SNX13: variants seen among roughly 807,000 people sequenced by gnomAD.
The protein encoded by SNX13 is sorting nexin-13.
Under a neutral mutation model 133.6 loss-of-function variants are expected in SNX13, and 45 were observed. The observed-to-expected ratio is 0.34, with a 90% CI of 0.27 to 0.43. The LOEUF is 0.43. Among genes scored for constraint, SNX13 ranks in the 20% least tolerant of loss-of-function variants. The probability of loss-of-function intolerance (pLI) is 1.00; values close to 1 mark genes in which losing one functional copy is unlikely to be tolerated. For synonymous variants in SNX13, 414 were observed against 373.9 expected (o/e 1.11, Z -1.24); for missense variants, 1,032 against 1,145.1 (o/e 0.90, Z 1.43).
In SNX13 at chr7:17,799,080, C is replaced by A; in HGVS notation, c.2373G>T (p.Gln791His). ...DEVFDLKERN[Q>H]WLRRNIKNLL... Reference sequence around the variant, plus strand: ...GGTTTTTGATATTCCTTCGCAACCACTGATTTCTTTCTTTTAAGTCGAATA... The same window carrying A: ...GGTTTTTGATATTCCTTCGCAACCAATGATTTCTTTCTTTTAAGTCGAATA... Residue 791 changes from glutamine to histidine, a missense_variant, in exon 23 of 26, where the codon CAG becomes CAT. Transcript: ENST00000428135. 1 of 1,610,990 alleles carries A rather than the reference C, an allele frequency of 6.2e-7. No homozygotes were observed.
intron 1 of SNX13, among the ~76,000 whole-genome samples, chr7:17,923,956 T>C (rs934036841): frequency 6.6e-6 from 1 of 152,210 alleles, no homozygotes; most frequent in Non-Finnish European, 1.5e-5. Context: ...TCATCAAAAA[T>C]ACATTTATTC....
At chr7:17,899,495 C>T (rs779383810) in intron 1 of SNX13, 6 of 151,848 alleles carry the variant, frequency 4.0e-5, no homozygotes, top group Admixed American at 6.6e-5. Context: ...GTGCCTCATT[C>T]CTTTTTATTC....
chr7:17,791,852 A>G lies in SNX13; in HGVS notation c.*2193T>C, dbSNP rs1031342823. ...TTTCTGATGTAAAAGACAGATGTGC[A>G]TAGAGAAGGTGCACCACCATTTACA... On this transcript the variant is annotated 3_prime_UTR_variant, in exon 26 of 26. Coordinates refer to ENST00000428135, the MANE Select transcript of SNX13 (RefSeq NM_015132.5). The G allele has an allele frequency of 6.6e-6, 1 of 152,088 alleles. No individual in the cohort carries two copies. Among genetic ancestry groups the G allele is most frequent in the African/African-American group, 2.4e-5 (1 of 41,452 alleles). The allele number at this position is 152,088 out of a possible 1,614,324, so 9.4% of individuals were successfully genotyped here. A position where few individuals can be genotyped will look rare whatever the true frequency, so the allele number is the denominator to read the frequency against.
intron 1 of SNX13, among the ~76,000 whole-genome samples, chr7:17,931,607 G>T (rs1801397586): frequency 1.3e-5 from 2 of 152,130 alleles, no homozygotes; most frequent in Non-Finnish European, 2.9e-5. Flanking sequence ...AGGTTTAAAT[G>T]GAATAAGAAC....
At chr7:17,866,945 C>T (rs927075455) in intron 9 of SNX13, among the ~76,000 whole-genome samples, 13 of 152,136 alleles carry the variant, frequency 8.5e-5, no homozygotes, top group African/African-American at 2.4e-5. Context: ...ACATTGTATG[C>T]TTATATCGAA....
rs965886289 is a variant in SNX13, at chr7:17,799,247, C to G, written c.2299-93G>C. 15 of 1,070,166 alleles carry G rather than the reference C, an allele frequency of 1.4e-5. No homozygotes were observed. The African/African-American group carries it at 2.1e-4, about 15-fold the overall frequency. The allele number at this position is 1,070,166 out of a possible 1,614,324, so 66.3% of individuals were successfully genotyped here. On this transcript the variant is annotated intron_variant, in intron 22 of 25. Transcript: ENST00000428135. ...CTTTTACGAAATGATTGATATTTCA[C>G]AAGTCAGAGAACAAGTTACATTTTA...
intron 11 of SNX13, among the ~76,000 whole-genome samples, chr7:17,849,700 A>G (rs933090055): frequency 2.0e-5 from 3 of 152,130 alleles, no homozygotes; most frequent in African/African-American, 4.8e-5. Context: ...ACCTCCTCCA[A>G]TTCACCAAGG....
chr7:17,938,239 C>A (rs1348211394), intron 1 of SNX13, among the ~76,000 whole-genome samples: 1 of 152,098 alleles, frequency 6.6e-6, no homozygotes, highest in Non-Finnish European at 1.5e-5. Flanking sequence ...AATATTCAGA[C>A]AAGGAAGTAC....
At chr7:17,801,018 A>ATATATATATATATATATATATATG (rs1784565411) in intron 22 of SNX13, among the ~76,000 whole-genome samples, 1 of 11,738 alleles carries the variant, frequency 8.5e-5, no homozygotes, top group African/African-American at 2.1e-4. Context: ...ACATATATAT[A>ATATATATATATATATATATATATG]TATATATATA....
chr7:17,860,260 T>C (rs928920913), intron 9 of SNX13, among the ~76,000 whole-genome samples: 2 of 152,230 alleles, frequency 1.3e-5, no homozygotes, highest in Non-Finnish European at 2.9e-5. Context: ...TTGCACATCT[T>C]TTCATATTAC....
intron 9 of SNX13, among the ~76,000 whole-genome samples, chr7:17,867,614 TAAATAA>T (rs1339049087): frequency 1.4e-5 from 2 of 148,104 alleles, no homozygotes; most frequent in Non-Finnish European, 3.0e-5. Flanking sequence ...CAAAAATAAA[TAAATAA>T]AAATAAAGTA....
chr7:17,930,302 C>T (rs1045512234), intron 1 of SNX13, among the ~76,000 whole-genome samples: 2 of 152,120 alleles, frequency 1.3e-5, no homozygotes, highest in African/African-American at 4.8e-5. Flanking sequence ...TCAAAATGCT[C>T]GGAATCGAGA....
At chr7:17,891,861 T>G (rs1376510051) in intron 3 of SNX13, among the ~76,000 whole-genome samples, 1 of 152,028 alleles carries the variant, frequency 6.6e-6, no homozygotes, top group Non-Finnish European at 1.5e-5. Flanking sequence ...AAAAATTATT[T>G]AGAATGTGGG....
intron 5 of SNX13, among the ~76,000 whole-genome samples, chr7:17,886,727 T>C (rs1196263851): frequency 6.6e-6 from 1 of 152,182 alleles, no homozygotes; most frequent in East Asian, 1.9e-4. Flanking sequence ...ACACTATCCT[T>C]ATCTTCTTTT....
rs558658160 is a variant in SNX13, at chr7:17,817,579, T to C, written c.1846-1290A>G. Among the ~76,000 whole-genome samples the C allele has an allele frequency of 7.9e-5, 12 of 152,316 alleles. No homozygotes were observed. In the South Asian group the frequency reaches 2.5e-3, roughly 32 times the overall value. On this transcript the variant is annotated intron_variant, in intron 18 of 25. Coordinates refer to ENST00000428135, the MANE Select transcript of SNX13 (RefSeq NM_015132.5). ...AGCTAAAATGTGAACAAGTTCATTA[T>C]ATGTTACACATGAAAGGTAAAAGCA...
intron 19 of SNX13, among the ~76,000 whole-genome samples, chr7:17,815,370 G>A (rs1786543455): frequency 6.6e-6 from 1 of 152,084 alleles, no homozygotes; most frequent in African/African-American, 2.4e-5. Context: ...AATTGCCCCA[G>A]CCAGGAATAC....
intron 16 of SNX13, among the ~76,000 whole-genome samples, chr7:17,827,255 G>A (rs1037722415): frequency 6.6e-6 from 1 of 151,964 alleles, no homozygotes; most frequent in Non-Finnish European, 1.5e-5. Context: ...CTGAGCCTGG[G>A]AGTGGTCTTG....
intron 1 of SNX13, among the ~76,000 whole-genome samples, chr7:17,933,429 G>C (rs1420926025): frequency 6.6e-6 from 1 of 152,024 alleles, no homozygotes; most frequent in Non-Finnish European, 1.5e-5. Context: ...TGTAGTCCCA[G>C]CTAGTCAGGA....
chr7:17,938,176 T>A (rs952594383), intron 1 of SNX13, among the ~76,000 whole-genome samples: 4 of 152,174 alleles, frequency 2.6e-5, no homozygotes, highest in African/African-American at 9.7e-5. Flanking sequence ...GAAAAAAAGC[T>A]AAGGTAAAGC....
Sources: gnomAD v4.1 joint callset for allele counts (sites outside exome capture counted in the v4.1 genomes callset) on GRCh38, gnomAD v4.1.1 for gene constraint, MANE v1.5 for transcripts, NCBI Gene and HGNC (gene_info 2026-07-23, HGNC 2026-07-21) for gene names.